ULK4: variants seen among roughly 807,000 people sequenced by gnomAD.
ULK4 encodes inactive serine/threonine-protein kinase ULK4.
In ULK4, 133 loss-of-function variants were observed where a neutral mutation model predicts 160.6. The ratio of observed to expected loss-of-function variants is 0.83; its 90% confidence interval spans 0.72 to 0.96. ULK4 has a LOEUF of 0.96. Among genes scored for constraint, ULK4 ranks in the 40% least tolerant of loss-of-function variants. The pLI is 0.00. For synonymous variants in ULK4, 534 were observed against 539.8 expected (o/e 0.99, Z 0.15); for missense variants, 1,580 against 1,499.5 (o/e 1.05, Z -0.89).
chr3:41,482,977 T>C (rs950048638), intron 32 of ULK4, among the ~76,000 whole-genome samples: 5 of 152,194 alleles, frequency 3.3e-5, no homozygotes, highest in Admixed American at 6.5e-5. Flanking sequence ...GTAAATGGTA[T>C]AGCCATCACC....
chr3:41,563,082 T>C (rs961992930), intron 32 of ULK4, among the ~76,000 whole-genome samples: 1 of 152,204 alleles, frequency 6.6e-6, no homozygotes, highest in Non-Finnish European at 1.5e-5. Context: ...AGCATTTGCT[T>C]GTCTGTAAAG....
rs1031486291 is a variant in ULK4, at chr3:41,398,410, G to A, written c.3493-146C>T. On this transcript the variant is annotated intron_variant, in intron 34 of 36. Transcript: ENST00000301831. ...TTACTTTTTTTTTTTTTGAGACAGG[G>A]TCCCACTCTGTTGCCCAGGCTGGAG... 7.9e-5 allele frequency: 59 copies of A among 748,338 alleles called. No individual in the cohort carries two copies. The African/African-American group carries it at 9.7e-4, about 12-fold the overall frequency. 46.4% of individuals were successfully genotyped at this position (748,338 alleles called of 1,614,324 possible).
At chr3:41,867,048 G>T (rs1369388836) in intron 17 of ULK4, among the ~76,000 whole-genome samples, 1 of 152,082 alleles carries the variant, frequency 6.6e-6, no homozygotes, top group Non-Finnish European at 1.5e-5. Context: ...TGAACTATTG[G>T]TTTGGTTTCA....
chr3:41,861,736 CTCTA>C (rs1315169324), intron 17 of ULK4, among the ~76,000 whole-genome samples: 2 of 152,038 alleles, frequency 1.3e-5, no homozygotes, highest in Non-Finnish European at 2.9e-5. Flanking sequence ...AACTTTTTAC[CTCTA>C]TCTTTCTCTA....
intron 34 of ULK4, among the ~76,000 whole-genome samples, chr3:41,419,046 C>T (rs2082597243): frequency 6.6e-6 from 1 of 152,120 alleles, no homozygotes; most frequent in Admixed American, 6.5e-5. Context: ...AGTCCTGTGG[C>T]ATTACTTTGT....
chr3:41,853,916 T>A (rs2042273665), intron 17 of ULK4, among the ~76,000 whole-genome samples: 1 of 152,214 alleles, frequency 6.6e-6, no homozygotes. Flanking sequence ...CACACATGCA[T>A]GTGACCCCCC....
intron 35 of ULK4, among the ~76,000 whole-genome samples, chr3:41,283,092 T>C (rs2079390943): frequency 1.3e-5 from 2 of 152,126 alleles, no homozygotes; most frequent in Admixed American, 6.5e-5. Flanking sequence ...AAAACCATAA[T>C]GAAATACCAT....
intron 31 of ULK4, among the ~76,000 whole-genome samples, chr3:41,568,271 A>G (rs1056202998): frequency 9.2e-5 from 14 of 152,246 alleles, no homozygotes; most frequent in Admixed American, 3.3e-4. Flanking sequence ...AGGGAACAGG[A>G]TAAGGTGGCT....
intron 35 of ULK4, among the ~76,000 whole-genome samples, chr3:41,341,141 C>T (rs549041774): frequency 1.2e-4 from 18 of 152,278 alleles, no homozygotes; most frequent in Non-Finnish European, 2.5e-4. Context: ...TAAGAAGCTA[C>T]GATGTTCTCT....
chr3:41,849,005 ACT>A (rs1008813239), intron 17 of ULK4, among the ~76,000 whole-genome samples: 1 of 151,956 alleles, frequency 6.6e-6, no homozygotes, highest in African/African-American at 2.4e-5. Context: ...AATTTTCCAT[ACT>A]CTCTTCCTCT....
At chr3:41,867,087 A>T (rs1474092938) in intron 17 of ULK4, among the ~76,000 whole-genome samples, 2 of 152,214 alleles carry the variant, frequency 1.3e-5, no homozygotes, top group East Asian at 1.9e-4. Flanking sequence ...ACCTCTGGGA[A>T]CACAGGACAT....
rs553850953 is a variant in ULK4 at position 41,267,028 on chromosome 3, G to C, written c.3679-17454C>G. Among the ~76,000 whole-genome samples, 14 of 139,318 alleles carry C rather than the reference G, an allele frequency of 1.0e-4. 1 individual carries two copies. Among genetic ancestry groups the C allele is most frequent in the East Asian group, 2.3e-4 (1 of 4,352 alleles). The allele number at this position is 139,318 out of a possible 152,430, so 91.4% of individuals were successfully genotyped here. The stretch of plus-strand genomic sequence containing the variant: ...AATCTGTGTCTCTATTGGGGGGGGG[G>C]GGTTTAAGGCTTTTTTTTTTTTTGC... On this transcript the variant is annotated intron_variant, in intron 35 of 36. Transcript: ENST00000301831.
rs1450549530 is a variant in ULK4 at position 41,696,372 on chromosome 3, CCTCTCTCTCTCT to C, written c.2781+8673_2781+8684del. On this transcript the variant is annotated intron_variant, in intron 27 of 36. Transcript: ENST00000301831. ...ATGGTGTAAGCTGTCTCTCTCTCTC[CCTCTCTCTCTCT>C]GCCTTGGCTGCCAGGCAGGGAAGGG... Among the ~76,000 whole-genome samples the C allele has an allele frequency of 1.4e-4, 21 of 151,558 alleles. No individual in the cohort carries two copies. In the South Asian group the frequency reaches 3.7e-3, roughly 27 times the overall value.
intron 35 of ULK4, among the ~76,000 whole-genome samples, chr3:41,261,350 G>A (rs2078937720): frequency 6.6e-6 from 1 of 152,104 alleles, no homozygotes; most frequent in South Asian, 2.1e-4. Context: ...TTACAGATGA[G>A]AAAATGAAGG....
In ULK4 at chr3:41,835,883, AT is replaced by A. The variant is rs768216886; in HGVS notation, c.1744del (p.Ile582SerfsTer4). 1.2e-6 allele frequency: 2 copies of A among 1,612,286 alleles called. No homozygotes were observed. Among genetic ancestry groups the A allele is most frequent in the Non-Finnish European group, 1.7e-6 (2 of 1,178,764 alleles). On this transcript the variant is annotated frameshift_variant, in exon 18 of 37. Coordinates refer to ENST00000301831, the MANE Select transcript of ULK4 (RefSeq NM_017886.4). LOFTEE classifies it high-confidence loss of function. ...TCTCACCTGGGTGGCTACAAGATAG[AT>A]CAGCTCCCCAAGGGTTGGTAAAAGG... ...QCLLPTLGEL[I>X]YLVATQEEKK...
chr3:41,925,767 C>A (rs1463846457), intron 5 of ULK4, among the ~76,000 whole-genome samples: 1 of 152,014 alleles, frequency 6.6e-6, no homozygotes, highest in African/African-American at 2.4e-5. Flanking sequence ...TTTACCCTCA[C>A]AGCATAAACA....
chr3:41,947,018 G>A (rs1700131481), intron 2 of ULK4, among the ~76,000 whole-genome samples: 2 of 152,172 alleles, frequency 1.3e-5, no homozygotes, highest in Admixed American at 1.3e-4. Flanking sequence ...ACATTATCCA[G>A]CAGTGTCCTA....
chr3:41,693,691 T>C (rs1339637944), intron 27 of ULK4, among the ~76,000 whole-genome samples: 1 of 152,094 alleles, frequency 6.6e-6, no homozygotes, highest in Non-Finnish European at 1.5e-5. Context: ...GAGAGTATGA[T>C]GGAATGGCAA....
At chr3:41,335,256 C>A (rs2080531051) in intron 35 of ULK4, among the ~76,000 whole-genome samples, 1 of 152,160 alleles carries the variant, frequency 6.6e-6, no homozygotes, top group Non-Finnish European at 1.5e-5. Flanking sequence ...GAGCACAGGT[C>A]ATTTAATGCT....
Sources: allele counts gnomAD v4.1 joint callset (sites outside exome capture counted in the v4.1 genomes callset), GRCh38; gene constraint gnomAD v4.1.1; transcripts MANE v1.5; gene names NCBI Gene and HGNC (gene_info 2026-07-23, HGNC 2026-07-21).